The following HDGFL3 variants were observed in gnomAD, a reference collection of about 807,000 sequenced individuals.
The protein encoded by HDGFL3 is HDGF like 3, also known as hepatoma-derived growth factor-related protein 3.
HDGFL3 carries 6 observed loss-of-function variants against 27.6 expected under a neutral mutation model. The ratio of observed to expected loss-of-function variants is 0.22; its 90% confidence interval spans 0.12 to 0.43. The LOEUF (loss-of-function observed/expected upper bound fraction) is 0.43, where lower values mean the gene tolerates loss of function less well. Ranked by LOEUF, HDGFL3 falls within the 20% of genes least tolerant of loss-of-function variation. HDGFL3 has a pLI of 1.00. For missense variants in HDGFL3, 207 were observed against 250.1 expected, an observed-to-expected ratio of 0.83 and a Z score of 1.16; for synonymous variants, 88 against 88.9, an observed-to-expected ratio of 0.99 and a Z score of 0.05.
chr15:83,144,656 C>G (rs1349323013), intron 5 of HDGFL3: 1 of 391,592 alleles, frequency 2.6e-6, no homozygotes, highest in Middle Eastern at 5.4e-4. Context: ...CTGCCAGGAA[C>G]AATTTGAGTG....
intron 5 of HDGFL3, among the ~76,000 whole-genome samples, chr15:83,142,265 G>A (rs947186769): frequency 1.3e-5 from 2 of 152,182 alleles, no homozygotes; most frequent in African/African-American, 4.8e-5. Context: ...TAAAGAAATG[G>A]AATCAACCTA....
intron 1 of HDGFL3, among the ~76,000 whole-genome samples, chr15:83,197,929 G>A (rs562364847): frequency 3.3e-5 from 5 of 151,266 alleles, no homozygotes; most frequent in Non-Finnish European, 7.4e-5. Context: ...CAGCTAATTG[G>A]GAGGCTGAGG....
At chr15:83,141,948 A>G (rs1157538744) in intron 5 of HDGFL3, among the ~76,000 whole-genome samples, 1 of 152,232 alleles carries the variant, frequency 6.6e-6, no homozygotes, top group Non-Finnish European at 1.5e-5. Flanking sequence ...TCATTAGAGA[A>G]ATGCAAATCA....
At chr15:83,199,568 C>A (rs567007987) in intron 1 of HDGFL3, among the ~76,000 whole-genome samples, 2 of 152,216 alleles carry the variant, frequency 1.3e-5, no homozygotes, top group East Asian at 3.8e-4. Flanking sequence ...CTCCCCTACA[C>A]TGACACCTCT....
downstream of HDGFL3, among the ~76,000 whole-genome samples, chr15:83,125,027 T>C (rs527666499): frequency 3.5e-4 from 54 of 152,290 alleles, no homozygotes; most frequent in African/African-American, 1.2e-3. Flanking sequence ...TTAGGGCATC[T>C]AAAAAATCAG....
intron 1 of HDGFL3, among the ~76,000 whole-genome samples, chr15:83,172,289 A>T (rs2037255254): frequency 6.6e-6 from 1 of 152,150 alleles, no homozygotes; most frequent in Admixed American, 6.5e-5. Flanking sequence ...ATGCCCTCAT[A>T]AGATGCCAGT....
intron 1 of HDGFL3, among the ~76,000 whole-genome samples, chr15:83,189,078 C>G (rs1228413297): frequency 6.6e-6 from 1 of 152,072 alleles, no homozygotes; most frequent in African/African-American, 2.4e-5. Flanking sequence ...TGTCACCAAA[C>G]TAACCACTTC....
At chr15:83,113,098 G>A (rs953670839) in exon 4 of HDGFL3, 4 of 591,104 alleles carry the variant, frequency 6.8e-6, no homozygotes, top group Admixed American at 5.9e-5. Context: ...CCTCTCCCAG[G>A]TGGCATCCCG....
At position 83,116,918 on chromosome 15, in the gene HDGFL3, T is replaced by C. The variant is rs1259491883; in HGVS notation, c.394-1177A>G. Among the ~76,000 whole-genome samples the C allele has an allele frequency of 2.0e-5, 3 of 152,176 alleles. No homozygotes were observed. In the East Asian group the frequency reaches 5.8e-4, roughly 29 times the overall value. On this transcript the variant is annotated intron_variant, in intron 3 of 3. Transcript: ENST00000568294. The stretch of plus-strand genomic sequence containing the variant: ...AGAGAGGGATGACAGGAGGAATTTA[T>C]TTCTGCAGACATTTGTTGAAGGGGA...
intron 1 of HDGFL3, among the ~76,000 whole-genome samples, chr15:83,169,435 A>G (rs1344438188): frequency 1.1e-4 from 17 of 148,058 alleles, no homozygotes; most frequent in Non-Finnish European, 7.5e-5. Flanking sequence ...AAAAAAAAAA[A>G]AAAAAAAAAA....
At chr15:83,192,866 T>A (rs2037528843) in intron 1 of HDGFL3, among the ~76,000 whole-genome samples, 1 of 152,210 alleles carries the variant, frequency 6.6e-6, no homozygotes, top group South Asian at 2.1e-4. Context: ...TATCTTACTT[T>A]CTTTGTTCTC....
At chr15:83,151,852 C>T (rs1002778168) in intron 4 of HDGFL3, among the ~76,000 whole-genome samples, 2 of 152,162 alleles carry the variant, frequency 1.3e-5, no homozygotes, top group African/African-American at 4.8e-5. Context: ...TAATGGGATA[C>T]CCAGAATCAT....
intron 5 of HDGFL3, among the ~76,000 whole-genome samples, chr15:83,139,882 G>C (rs2036733393): frequency 6.6e-6 from 1 of 152,108 alleles, no homozygotes; most frequent in South Asian, 2.1e-4. Context: ...TAAAACATTT[G>C]TTTCATAAAA....
chr15:83,129,361 T>C lies in HDGFL3; in HGVS notation c.*9909A>G, dbSNP rs2036042549. 1 of 152,206 alleles carries C rather than the reference T, an allele frequency of 6.6e-6. No homozygotes were observed. Among genetic ancestry groups the C allele is most frequent in the Non-Finnish European group, 1.5e-5 (1 of 68,040 alleles). 9.4% of individuals were successfully genotyped at this position (152,206 alleles called of 1,614,324 possible). ...AATTCTTTTTTATGCAAAGATCATG[T>C]GGGATATTTTCAAGGTCCAGGCCTG... On this transcript the variant is annotated 3_prime_UTR_variant, in exon 6 of 6. Coordinates refer to ENST00000299633, the MANE Select transcript of HDGFL3 (RefSeq NM_016073.4).
intron 3 of HDGFL3, among the ~76,000 whole-genome samples, chr15:83,116,963 G>T (rs1368577228): frequency 6.6e-6 from 1 of 152,174 alleles, no homozygotes; most frequent in African/African-American, 2.4e-5. Context: ...CAGAAGACCT[G>T]CTCCCTGCCC....
At position 83,128,442 on chromosome 15, in the gene HDGFL3, C is replaced by G. The variant is rs1416809105; in HGVS notation, c.*10828G>C. 3 of 152,202 alleles carry G rather than the reference C, an allele frequency of 2.0e-5. No individual in the cohort carries two copies. Among genetic ancestry groups the G allele is most frequent in the Non-Finnish European group, 4.4e-5 (3 of 68,032 alleles). The allele number at this position is 152,202 out of a possible 1,614,324, so 9.4% of individuals were successfully genotyped here. A position where few individuals can be genotyped will look rare whatever the true frequency, so the allele number is the denominator to read the frequency against. The stretch of plus-strand genomic sequence containing the variant: ...TTGAGGGGCTTAAGAAGGAAGAGAA[C>G]TAACATTTATTGCTCTTTGCTGGTT... On this transcript the variant is annotated 3_prime_UTR_variant, in exon 6 of 6. Transcript: ENST00000299633.
In HDGFL3 at chr15:83,207,488, G is replaced by A; in HGVS notation, c.-74C>T. The A allele has an allele frequency of 1.8e-6, 2 of 1,119,690 alleles. No individual in the cohort carries two copies. Among genetic ancestry groups the A allele is most frequent in the Non-Finnish European group, 2.3e-6 (2 of 877,902 alleles). The allele number at this position is 1,119,690 out of a possible 1,614,324, so 69.4% of individuals were successfully genotyped here. A position where few individuals can be genotyped will look rare whatever the true frequency, so the allele number is the denominator to read the frequency against. On this transcript the variant is annotated 5_prime_UTR_variant, in exon 1 of 6. Transcript: ENST00000299633. The surrounding 1 kb of genome is among the most constrained non-coding windows in gnomAD (Gnocchi z 4.8). The stretch of plus-strand genomic sequence containing the variant: ...GGAGGCCGCCCCCCCGCGGGCCGAC[G>A]AATTGCGCCGCGCTCCCCGCGGGCC...
Position 83,134,493 on chromosome 15 carries a change from G to C in HDGFL3, c.*4777C>G, listed in dbSNP as rs2036481902. 6.6e-6 allele frequency: 1 copy of C among 152,344 alleles called. No individual in the cohort carries two copies. The highest frequency in any genetic ancestry group is 2.4e-5 in the African/African-American group (1 of 41,448). The allele number at this position is 152,344 out of a possible 1,614,324, so 9.4% of individuals were successfully genotyped here. A position where few individuals can be genotyped will look rare whatever the true frequency, so the allele number is the denominator to read the frequency against. The stretch of plus-strand genomic sequence containing the variant: ...CCGCCTTGGCCTCCCAAAGTACTGG[G>C]ATTACAGGCGTGAGCCACTGCGCCC... On this transcript the variant is annotated 3_prime_UTR_variant, in exon 6 of 6. Transcript: ENST00000299633.
At chr15:83,189,497 A>T (rs948577224) in intron 1 of HDGFL3, 3 of 152,242 alleles carry the variant, frequency 2.0e-5, no homozygotes, top group African/African-American at 7.2e-5. Flanking sequence ...CTGAAGTGTC[A>T]CATTTTCACA....
Sources: gnomAD v4.1 joint callset for allele counts (sites outside exome capture counted in the v4.1 genomes callset) on GRCh38, gnomAD v4.1.1 for gene constraint, Gnocchi (gnomAD v3.1) non-coding constraint, MANE v1.5 for transcripts, NCBI Gene and HGNC (gene_info 2026-07-23, HGNC 2026-07-21) for gene names.